Variants in MSI2 observed in about 807,000 individuals in gnomAD.
The protein encoded by MSI2 is musashi RNA binding protein 2, also known as RNA-binding protein Musashi homolog 2.
MSI2 carries 17 observed loss-of-function variants against 45.6 expected under a neutral mutation model. That is an observed-to-expected ratio of 0.37 (90% CI 0.26 to 0.56). The LOEUF is 0.56. Among genes scored for constraint, MSI2 ranks in the 20% least tolerant of loss-of-function variants. The probability of loss-of-function intolerance (pLI) is 0.77; values close to 1 mark genes in which losing one functional copy is unlikely to be tolerated. For synonymous variants in MSI2, 156 were observed against 158.2 expected, an observed-to-expected ratio of 0.99 and a Z score of 0.11; for missense variants, 293 against 444.2, an observed-to-expected ratio of 0.66 and a Z score of 3.06.
At chr17:57,396,239 T>A (rs1442036073) in intron 5 of MSI2, among the ~76,000 whole-genome samples, 1 of 152,238 alleles carries the variant, frequency 6.6e-6, no homozygotes, top group African/African-American at 2.4e-5. Context: ...ATTTGGTTTT[T>A]TTGGTGTTTG....
intron 5 of MSI2, chr17:57,279,957 T>C (rs1403120201): frequency 6.6e-6 from 1 of 151,962 alleles, no homozygotes; most frequent in Non-Finnish European, 1.5e-5. Context: ...TGATTCATGA[T>C]TGAAGTACCA....
chr17:57,343,580 A>G (rs1300664893), intron 5 of MSI2, among the ~76,000 whole-genome samples: 1 of 152,160 alleles, frequency 6.6e-6, no homozygotes, highest in African/African-American at 2.4e-5. Flanking sequence ...ACTTCAGTCC[A>G]GTTATGAACT....
At chr17:57,506,693 C>A (rs1158834023) in intron 6 of MSI2, among the ~76,000 whole-genome samples, 1 of 152,204 alleles carries the variant, frequency 6.6e-6, no homozygotes, top group African/African-American at 2.4e-5. Context: ...GTTCAAACAT[C>A]TGGATGTGTT....
intron 6 of MSI2, among the ~76,000 whole-genome samples, chr17:57,461,638 C>T (rs1359122211): frequency 4.0e-5 from 6 of 151,560 alleles, no homozygotes; most frequent in African/African-American, 9.7e-5. Context: ...TGGGTTCAAG[C>T]GATTCTCCTG....
chr17:57,529,491 C>T lies in MSI2; in HGVS notation c.406-185C>T, dbSNP rs770882270. On this transcript the variant is annotated intron_variant, in intron 6 of 13. Transcript: ENST00000284073. This position sits in a 1 kb window ranked among gnomAD's most constrained non-coding sequence, Gnocchi z 5.3. ...TATATAAAATGTTAACTGTATACAACGGTGTGGAGTGGAAAGACCACTGTT... is the reference window on the plus strand; with the variant it reads ...TATATAAAATGTTAACTGTATACAATGGTGTGGAGTGGAAAGACCACTGTT... 4.0e-5 allele frequency among the ~76,000 whole-genome samples: 6 copies of T among 148,178 alleles called. No individual in the cohort carries two copies. Among genetic ancestry groups the T allele is most frequent in the African/African-American group, 7.7e-5 (3 of 39,110 alleles).
chr17:57,539,077 AC>A (rs2086984473), intron 7 of MSI2, among the ~76,000 whole-genome samples: 1 of 152,252 alleles, frequency 6.6e-6, no homozygotes, highest in Non-Finnish European at 1.5e-5. Flanking sequence ...TTAAAAACAT[AC>A]ATACATAAAA....
intron 5 of MSI2, among the ~76,000 whole-genome samples, chr17:57,363,660 G>T (rs866766124): frequency 1.1e-4 from 17 of 152,248 alleles, no homozygotes; most frequent in African/African-American, 4.1e-4. Context: ...AATTGCTTGA[G>T]CCTGGGAGGC....
At chr17:57,325,783 A>G (rs1039574597) in intron 5 of MSI2, among the ~76,000 whole-genome samples, 1 of 152,172 alleles carries the variant, frequency 6.6e-6, no homozygotes, top group Non-Finnish European at 1.5e-5. Flanking sequence ...TCAAATTCTT[A>G]AGGGGCTCCC....
At chr17:57,559,953 C>A (rs950323974) in intron 7 of MSI2, among the ~76,000 whole-genome samples, 1 of 152,208 alleles carries the variant, frequency 6.6e-6, no homozygotes, top group Non-Finnish European at 1.5e-5. Context: ...TGCTATTGGT[C>A]GGTGGAATTG....
At chr17:57,675,576 GAC>G (rs1913170225) in intron 12 of MSI2, among the ~76,000 whole-genome samples, 1 of 152,178 alleles carries the variant, frequency 6.6e-6, no homozygotes, top group Non-Finnish European at 1.5e-5. Context: ...TGTGGGCTGG[GAC>G]CTGAGAGCTG....
At chr17:57,273,682 A>T (rs1389585968) in intron 5 of MSI2, among the ~76,000 whole-genome samples, 1 of 152,172 alleles carries the variant, frequency 6.6e-6, no homozygotes, top group African/African-American at 2.4e-5. Context: ...TTGCCACGTC[A>T]TCCTGTTTGC....
chr17:57,578,860 C>T (rs1431630164), intron 7 of MSI2, among the ~76,000 whole-genome samples: 1 of 152,022 alleles, frequency 6.6e-6, no homozygotes, highest in African/African-American at 2.4e-5. Flanking sequence ...TTCTTTTTCC[C>T]CCTCCTCTTT....
chr17:57,276,869 T>C (rs1908891515), intron 5 of MSI2, among the ~76,000 whole-genome samples: 2 of 151,962 alleles, frequency 1.3e-5, no homozygotes, highest in African/African-American at 2.4e-5. Flanking sequence ...TCCCAAGTTT[T>C]CCCAGGGCTG....
intron 7 of MSI2, among the ~76,000 whole-genome samples, chr17:57,536,593 G>C (rs541502799): frequency 1.0e-3 from 153 of 152,304 alleles, no homozygotes; most frequent in African/African-American, 3.3e-3. Flanking sequence ...ATTGTTGATG[G>C]TGTTAAGTAT....
chr17:57,643,081 T>G (rs892230309), intron 10 of MSI2, among the ~76,000 whole-genome samples: 1 of 152,034 alleles, frequency 6.6e-6, no homozygotes, highest in African/African-American at 2.4e-5. Flanking sequence ...CTCAGACAGA[T>G]TATATCAGAA....
intron 8 of MSI2, among the ~76,000 whole-genome samples, chr17:57,597,701 G>A (rs958473326): frequency 1.4e-4 from 22 of 152,298 alleles, no homozygotes; most frequent in African/African-American, 4.6e-4. Flanking sequence ...CAGAAGGGCG[G>A]GATTTGACCT....
intron 8 of MSI2, 37 bp from the exon 9 acceptor site, chr17:57,615,933 C>T (rs764699941): frequency 6.7e-7 from 1 of 1,482,330 alleles, no homozygotes; most frequent in Admixed American, 1.7e-5. Context: ...ACGTGGAATT[C>T]ATTTGCATCT....
At chr17:57,283,294 A>G (rs1434631846) in intron 5 of MSI2, among the ~76,000 whole-genome samples, 1 of 152,182 alleles carries the variant, frequency 6.6e-6, no homozygotes, top group African/African-American at 2.4e-5. Context: ...GAGGCCGCAC[A>G]GGGTCAGTCA....
At chr17:57,519,674 A>G (rs7225034) in intron 6 of MSI2, among the ~76,000 whole-genome samples, 69,719 of 152,022 alleles carry the variant, frequency 0.46, 16,492 homozygotes, top group Middle Eastern at 0.55. Flanking sequence ...AATCACCTCT[A>G]TTCACTTTTT....
Sources: gnomAD v4.1 joint callset for allele counts (sites outside exome capture counted in the v4.1 genomes callset) on GRCh38, gnomAD v4.1.1 for gene constraint, Gnocchi (gnomAD v3.1) non-coding constraint, MANE v1.5 for transcripts, NCBI Gene and HGNC (gene_info 2026-07-23, HGNC 2026-07-21) for gene names.